Variants in PDE4D observed in about 807,000 individuals in gnomAD.
PDE4D encodes the protein 3',5'-cyclic-AMP phosphodiesterase 4D.
Under a neutral mutation model 87.4 loss-of-function variants are expected in PDE4D, and 24 were observed. That is an observed-to-expected ratio of 0.27 (90% CI 0.20 to 0.39). PDE4D has a LOEUF of 0.39. Among genes scored for constraint, PDE4D ranks in the 10% least tolerant of loss-of-function variants. PDE4D has a pLI of 1.00. For synonymous variants in PDE4D, 384 were observed against 383.2 expected (o/e 1.00, Z -0.02); for missense variants, 714 against 1,041.0 (o/e 0.69, Z 4.32).
rs186904328 is a variant in PDE4D, at chr5:59,220,477, G to T, written c.456-4509C>A. On this transcript the variant is annotated intron_variant, in intron 1 of 14. Transcript: ENST00000340635. ...TAACTACAAGAGGACCCCCAAAAAG[G>T]CTTGTTCATTAAATACTTCAAATAT... 1.2e-4 allele frequency among the ~76,000 whole-genome samples: 18 copies of T among 151,472 alleles called. No individual in the cohort carries two copies. The East Asian group carries it at 2.9e-3, about 25-fold the overall frequency.
chr5:59,199,331 G>A (rs1746202298), intron 2 of PDE4D, among the ~76,000 whole-genome samples: 1 of 150,638 alleles, frequency 6.6e-6, no homozygotes, highest in South Asian at 2.1e-4. Flanking sequence ...GGGCTGAAGT[G>A]ATCTTCCTGT....
intron 2 of PDE4D, among the ~76,000 whole-genome samples, chr5:60,155,018 T>C (rs1781841964): frequency 2.0e-5 from 3 of 152,238 alleles, no homozygotes; most frequent in African/African-American, 7.2e-5. Context: ...TTGGGTACTT[T>C]CCAGCTTTTG....
intron 5 of PDE4D, among the ~76,000 whole-genome samples, chr5:59,156,266 T>C (rs1212247080): frequency 1.3e-5 from 2 of 148,406 alleles, no homozygotes; most frequent in African/African-American, 5.0e-5. Context: ...AGAAGACTCA[T>C]TTGCTTAAAG....
chr5:59,973,485 T>C (rs997779993), intron 3 of PDE4D, among the ~76,000 whole-genome samples: 1 of 105,564 alleles, frequency 9.5e-6, no homozygotes, highest in African/African-American at 3.8e-5. Flanking sequence ...AATCCATAAG[T>C]ATACATTTTC....
intron 2 of PDE4D, among the ~76,000 whole-genome samples, chr5:60,001,995 A>C (rs1393947058): frequency 6.6e-6 from 1 of 151,884 alleles, no homozygotes; most frequent in African/African-American, 2.4e-5. Flanking sequence ...AAGCACAAGA[A>C]CCACAAACCC....
chr5:59,082,091 T>G (rs566531240), intron 5 of PDE4D, among the ~76,000 whole-genome samples: 12 of 152,270 alleles, frequency 7.9e-5, no homozygotes, highest in Non-Finnish European at 1.6e-4. Flanking sequence ...GTGAGTCAAT[T>G]AAACCTCTTT....
At chr5:59,432,482 T>C (rs539361641) in intron 1 of PDE4D, among the ~76,000 whole-genome samples, 53 of 152,238 alleles carry the variant, frequency 3.5e-4, no homozygotes, top group African/African-American at 1.2e-3. Flanking sequence ...TGAAAATGGA[T>C]TGCTAGCTTA....
chr5:59,421,861 G>GA (rs34629419), intron 1 of PDE4D, among the ~76,000 whole-genome samples: 3 of 151,678 alleles, frequency 2.0e-5, no homozygotes, highest in Non-Finnish European at 2.9e-5. Flanking sequence ...ACTCTCAGTT[G>GA]AAAAAAAATG....
At chr5:59,724,547 T>C (rs1756316023) in intron 1 of PDE4D, among the ~76,000 whole-genome samples, 1 of 152,044 alleles carries the variant, frequency 6.6e-6, no homozygotes, top group Non-Finnish European at 1.5e-5. Context: ...AGTTAGAAAA[T>C]ACATGTTTTT....
intron 2 of PDE4D, among the ~76,000 whole-genome samples, chr5:60,173,958 T>C (rs1315876995): frequency 6.6e-6 from 1 of 152,160 alleles, no homozygotes; most frequent in Admixed American, 6.6e-5. Context: ...TTCCCAGGGC[T>C]CTGCCTTAGG....
intron 2 of PDE4D, among the ~76,000 whole-genome samples, chr5:60,118,733 C>T (rs559206595): frequency 1.3e-5 from 2 of 152,074 alleles, no homozygotes; most frequent in African/African-American, 4.8e-5. Flanking sequence ...AATTCCACAG[C>T]CACTAGATCA....
rs145913160 is a variant in PDE4D at position 60,293,841 on chromosome 5, TTTGA to T, written c.-89-108158_-89-108155del. Among the ~76,000 whole-genome samples the T allele has an allele frequency of 4.6e-3, 700 of 152,320 alleles. 6 individuals carry two copies. Among genetic ancestry groups the T allele is most frequent in the African/African-American group, 0.016 (669 of 41,566 alleles). ...GACAAAATTTGTTTATTGATTCTCT[TTTGA>T]TTAATATGTGGGTTTATGAATATGT... is the stretch of plus-strand genomic sequence containing the variant. On this transcript the variant is annotated intron_variant, in intron 1 of 16. Coordinates refer to the PDE4D transcript ENST00000502484.
At chr5:59,981,711 A>G (rs12519697) in intron 3 of PDE4D, among the ~76,000 whole-genome samples, 40,400 of 152,052 alleles carry the variant, frequency 0.27, 5,849 homozygotes, top group Admixed American at 0.35. Context: ...TTCATGGTAG[A>G]CTGTGAAATA....
chr5:59,312,613 C>A (rs193080385), intron 1 of PDE4D, among the ~76,000 whole-genome samples: 2 of 152,272 alleles, frequency 1.3e-5, no homozygotes, highest in Non-Finnish European at 2.9e-5. Context: ...AAACTTAAAC[C>A]CAGAATCTCC....
intron 1 of PDE4D, among the ~76,000 whole-genome samples, chr5:59,305,267 T>C (rs1053759397): frequency 6.6e-6 from 1 of 152,152 alleles, no homozygotes; most frequent in Non-Finnish European, 1.5e-5. Context: ...AGTGAAGTTA[T>C]TTGGATTTTC....
At chr5:59,743,152 C>A (rs1236039993) in intron 1 of PDE4D, among the ~76,000 whole-genome samples, 2 of 151,976 alleles carry the variant, frequency 1.3e-5, no homozygotes, top group East Asian at 3.9e-4. Context: ...TAAATTTTTT[C>A]CTTATTCTTC....
intron 1 of PDE4D, among the ~76,000 whole-genome samples, chr5:60,425,833 A>C (rs1233475014): frequency 6.6e-6 from 1 of 152,246 alleles, no homozygotes; most frequent in East Asian, 1.9e-4. Flanking sequence ...AAACAAGTTT[A>C]CAAGAAAAAA....
At chr5:59,758,058 T>A (rs1761503119) in intron 1 of PDE4D, among the ~76,000 whole-genome samples, 1 of 152,134 alleles carries the variant, frequency 6.6e-6, no homozygotes, top group Non-Finnish European at 1.5e-5. Flanking sequence ...ACATGCAGGG[T>A]AGGGTAACAA....
chr5:59,115,469 CT>C (rs1580873206), intron 5 of PDE4D, among the ~76,000 whole-genome samples: 2 of 152,226 alleles, frequency 1.3e-5, no homozygotes, highest in East Asian at 3.9e-4. Flanking sequence ...CCCAGCCTTT[CT>C]TAATTTGCTT....
Sources: gnomAD v4.1 joint callset for allele counts (sites outside exome capture counted in the v4.1 genomes callset) on GRCh38, gnomAD v4.1.1 for gene constraint, MANE v1.5 for transcripts, NCBI Gene and HGNC (gene_info 2026-07-23, HGNC 2026-07-21) for gene names.